Variants in ZNF560 observed in about 807,000 individuals in gnomAD.
The protein encoded by ZNF560 is zinc finger protein 560.
In ZNF560, 54 loss-of-function variants were observed where a neutral mutation model predicts 81.8. The observed-to-expected ratio is 0.66, with a 90% confidence interval of 0.53 to 0.83. ZNF560 has a LOEUF of 0.83. Among genes scored for constraint, ZNF560 ranks in the 40% least tolerant of loss-of-function variants. ZNF560 has a pLI of 0.00. For synonymous variants in ZNF560, 321 were observed against 317.9 expected (o/e 1.01, Z -0.10); for missense variants, 940 against 932.4 (o/e 1.01, Z -0.11).
chr19:9,447,937 A>G, the ZNF560 span, among the ~76,000 whole-genome samples: 1 of 152,224 alleles, frequency 6.6e-6, no homozygotes, highest in Admixed American at 6.5e-5. Context: ...AACGCTAGAG[A>G]AAAAAGCTTA....
At chr19:9,457,315 A>G in the ZNF560 span, among the ~76,000 whole-genome samples, 1 of 152,214 alleles carries the variant, frequency 6.6e-6, no homozygotes, top group African/African-American at 2.4e-5. Flanking sequence ...ATAGCCATAG[A>G]TTTAAAAGAC....
At chr19:9,451,188 AC>A in the ZNF560 span, among the ~76,000 whole-genome samples, 2 of 152,346 alleles carry the variant, frequency 1.3e-5, no homozygotes, top group East Asian at 3.9e-4. Flanking sequence ...TGCAAAAAGA[AC>A]AAAACCAGAG....
intron 2 of ZNF560, among the ~76,000 whole-genome samples, chr19:9,483,487 T>C (rs534728956): frequency 7.1e-6 from 1 of 141,224 alleles, no homozygotes; most frequent in African/African-American, 2.7e-5. Context: ...GTCCAGGAGG[T>C]GGGGGGTCAG....
At chr19:9,461,996 T>A (rs2072939649), downstream of ZNF560, among the ~76,000 whole-genome samples, 1 of 152,250 alleles carries the variant, frequency 6.6e-6, no homozygotes, top group Non-Finnish European at 1.5e-5. Flanking sequence ...ATGGTTGTGC[T>A]ATTAATCTGT....
At chr19:9,491,987 T>A (rs146702845) in intron 2 of ZNF560, among the ~76,000 whole-genome samples, 277 of 17,634 alleles carry the variant, frequency 0.016, no homozygotes, top group African/African-American at 0.061. Flanking sequence ...CTTTTTTCTT[T>A]TCTTTTGGGG....
At chr19:9,495,426 G>A (rs2144731434) in intron 2 of ZNF560, among the ~76,000 whole-genome samples, 1 of 152,098 alleles carries the variant, frequency 6.6e-6, no homozygotes, top group African/African-American at 2.4e-5. Flanking sequence ...CTTCTGGCCA[G>A]CCACAGTAGT....
At chr19:9,454,254 G>T in the ZNF560 span, among the ~76,000 whole-genome samples, 1 of 152,156 alleles carries the variant, frequency 6.6e-6, no homozygotes, top group Non-Finnish European at 1.5e-5. Context: ...AAATAGTTGG[G>T]TCAAACTCTG....
intron 8 of ZNF560, 115 bp from the exon 9 acceptor site, chr19:9,469,302 G>C: frequency 2.6e-6 from 2 of 759,954 alleles, no homozygotes; most frequent in East Asian, 5.6e-5. Context: ...ATCATATGGG[G>C]TCAAGTTTTA....
the ZNF560 span, among the ~76,000 whole-genome samples, chr19:9,456,916 A>G: frequency 1.3e-5 from 2 of 152,210 alleles, no homozygotes; most frequent in Non-Finnish European, 2.9e-5. Flanking sequence ...ATGGTATGGA[A>G]CTAGGAAAAA....
At chr19:9,469,248 AAGC>A in intron 8 of ZNF560, 61 bp from the exon 9 acceptor site, 6 of 1,310,318 alleles carry the variant, frequency 4.6e-6, no homozygotes, top group African/African-American at 1.5e-5. Context: ...GTTAAATAAA[AAGC>A]AGATAGATTT....
At position 9,467,578 on chromosome 19, in the gene ZNF560, C is replaced by T. The variant is rs2073047983; in HGVS notation, c.1369G>A (p.Glu457Lys). The stretch of plus-strand genomic sequence containing the variant: ...TATTCCTTATGCTCATATGGCTTCT[C>T]TCCATTATGAACTCTCAAATGTCCA... Reference protein sequence around the residue: ...LFGHLRVHNGEKPYEHKEYGK... With the variant: ...LFGHLRVHNGKKPYEHKEYGK... The change falls in exon 10 of 10, where the codon GAG (glutamate) becomes AAG (lysine). Residue 457 changes from glutamate (E) to lysine (K), a missense_variant. Physicochemically the swap from Glu to Lys is moderately conservative, Grantham distance 56. Transcript: ENST00000301480. 6.2e-7 allele frequency: 1 copy of T among 1,614,024 alleles called. No homozygotes were observed. The highest frequency in any genetic ancestry group is 1.3e-5 in the African/African-American group (1 of 74,910).
chr19:9,467,738 G>C lies in ZNF560; in HGVS notation c.1209C>G (p.Pro403=). The change falls in exon 10 of 10, where the codon CCC becomes CCG. Residue 403 remains proline (P), a synonymous_variant. Coordinates refer to ENST00000301480, the MANE Select transcript of ZNF560 (RefSeq NM_152476.3). The part of the protein sequence containing the change: ...EHVRTHTGEK[P]YGCKECGKAF... ...CTTTACCACATTCCTTACACCCATA[G>C]GGCTTCTCTCCAGTGTGAGTTCGTA... 1 of 1,614,154 alleles carries C rather than the reference G, an allele frequency of 6.2e-7. No individual in the cohort carries two copies. Among genetic ancestry groups the C allele is most frequent in the Middle Eastern group, 1.6e-4 (1 of 6,062 alleles).
rs1215866421 is a variant in ZNF560, at chr19:9,467,229, T to C, written c.1718A>G (p.Glu573Gly). 8 of 1,614,046 alleles carry C rather than the reference T, an allele frequency of 5.0e-6. No individual in the cohort carries two copies. Among genetic ancestry groups the C allele is most frequent in the African/African-American group, 4.0e-5 (3 of 74,924 alleles). Residue 573 changes from glutamate to glycine, a missense_variant, in exon 10 of 10, where the codon GAA becomes GGA. Physicochemically the swap from Glu to Gly is moderately conservative, Grantham distance 98. Coordinates refer to ENST00000301480, the MANE Select transcript of ZNF560 (RefSeq NM_152476.3). ...LRTHAGEKPY[E>G]CMKCGKAFTE... ...GAAGGCTTTCCCACATTTCATACAT[T>C]CATAGGGTTTCTCTCCAGCGTGTGT...
chr19:9,449,550 G>A, the ZNF560 span, among the ~76,000 whole-genome samples: 1 of 152,026 alleles, frequency 6.6e-6, no homozygotes, highest in African/African-American at 2.4e-5. Flanking sequence ...CAAAAACTTA[G>A]AAAGTCAGCA....
At chr19:9,497,808 C>T (rs976575349) in intron 2 of ZNF560, among the ~76,000 whole-genome samples, 4 of 151,990 alleles carry the variant, frequency 2.6e-5, no homozygotes, top group African/African-American at 9.7e-5. Context: ...GTGTGTAAAC[C>T]CTCCATCCTT....
At chr19:9,477,999 C>A (rs1010646027) in intron 2 of ZNF560, among the ~76,000 whole-genome samples, 2 of 152,118 alleles carry the variant, frequency 1.3e-5, no homozygotes, top group Non-Finnish European at 1.5e-5. Flanking sequence ...AACAACATTT[C>A]CACACTGAGG....
the ZNF560 span, among the ~76,000 whole-genome samples, chr19:9,457,656 A>C: frequency 8.2e-3 from 1,245 of 152,230 alleles, 51 homozygotes; most frequent in Admixed American, 0.074. Context: ...TCAGACTACT[A>C]CTCCTTACGT....
chr19:9,482,296 G>A (rs1169925979), intron 2 of ZNF560, among the ~76,000 whole-genome samples: 1 of 151,998 alleles, frequency 6.6e-6, no homozygotes, highest in African/African-American at 2.4e-5. Context: ...ATGGGGGAGG[G>A]ATAGCATTAG....
chr19:9,456,488 G>A, the ZNF560 span, among the ~76,000 whole-genome samples: 3 of 152,150 alleles, frequency 2.0e-5, no homozygotes, highest in African/African-American at 7.2e-5. Context: ...AGGGGATTTG[G>A]CAGTACAAAT....
Sources: gnomAD v4.1 joint callset for allele counts (sites outside exome capture counted in the v4.1 genomes callset) on GRCh38, gnomAD v4.1.1 for gene constraint, MANE v1.5 for transcripts, NCBI Gene and HGNC (gene_info 2026-07-23, HGNC 2026-07-21) for gene names.